RUNX1T1: variants seen among roughly 807,000 people sequenced by gnomAD.
The protein encoded by RUNX1T1 is RUNX1 partner transcriptional co-repressor 1.
In RUNX1T1, 4 loss-of-function variants were observed where a neutral mutation model predicts 62.8. The observed-to-expected ratio is 0.06, with a 90% CI of 0.03 to 0.15. The LOEUF (loss-of-function observed/expected upper bound fraction) is 0.15. Among genes scored for constraint, RUNX1T1 ranks in the 10% least tolerant of loss-of-function variants. RUNX1T1 has a pLI of 1.00. For synonymous variants in RUNX1T1, 291 were observed against 286.0 expected (o/e 1.02, Z -0.18); for missense variants, 508 against 754.3 (o/e 0.67, Z 3.82).
chr8:91,966,973 T>C (rs139039719), intron 10 of RUNX1T1, among the ~76,000 whole-genome samples: 1 of 152,244 alleles, frequency 6.6e-6, no homozygotes, highest in East Asian at 1.9e-4. Flanking sequence ...ATGTAGCTAC[T>C]AAGAAGGTGG....
chr8:92,035,239 G>A (rs1451995637), intron 1 of RUNX1T1, among the ~76,000 whole-genome samples: 1 of 150,318 alleles, frequency 6.7e-6, no homozygotes, highest in African/African-American at 2.5e-5. Flanking sequence ...AGGTTGCAGT[G>A]AGCCAATATC....
At position 92,075,994 on chromosome 8, in the gene RUNX1T1, C is replaced by T. The variant is rs144423229; in HGVS notation, c.59G>A (p.Arg20Gln). Residue 20 changes from arginine (R) to glutamine (Q), a missense_variant, in exon 2 of 12, where the codon CGG becomes CAG. Physicochemically the swap from Arg to Gln is conservative, Grantham distance 43. Coordinates refer to the RUNX1T1 transcript ENST00000265814. ...ACAATATTCAAAGTTCCCTTTTTTCCGGCAGTCACCTATTACTAAACTCAG... is the reference window on the plus strand; with the variant it reads ...ACAATATTCAAAGTTCCCTTTTTTCTGGCAGTCACCTATTACTAAACTCAG... The T allele has an allele frequency of 1.4e-4, 226 of 1,609,348 alleles. No individual in the cohort carries two copies. The Admixed American group carries it at 2.0e-3, about 15-fold the overall frequency.
chr8:92,044,424 A>G (rs1829021925), intron 1 of RUNX1T1, among the ~76,000 whole-genome samples: 1 of 152,176 alleles, frequency 6.6e-6, no homozygotes, highest in African/African-American at 2.4e-5. Flanking sequence ...AGGTGCATCT[A>G]TGGTAAAAAA....
At chr8:92,056,334 A>G (rs1472181146) in intron 1 of RUNX1T1, among the ~76,000 whole-genome samples, 1 of 152,180 alleles carries the variant, frequency 6.6e-6, no homozygotes, top group Non-Finnish European at 1.5e-5. Context: ...ACCCTCCTAC[A>G]TCCCTTCTTC....
chr8:92,086,233 C>T (rs553353056), intron 1 of RUNX1T1, among the ~76,000 whole-genome samples: 1 of 152,174 alleles, frequency 6.6e-6, no homozygotes, highest in Non-Finnish European at 1.5e-5. Context: ...GTCATCTCTA[C>T]CTTCTCTCCT....
At chr8:91,988,602 G>C (rs1035018710) in intron 6 of RUNX1T1, among the ~76,000 whole-genome samples, 7 of 152,120 alleles carry the variant, frequency 4.6e-5, no homozygotes, top group Non-Finnish European at 7.4e-5. Context: ...TTTCATGTTA[G>C]AGGCATCTGA....
At chr8:92,093,473 A>G (rs1451502759) in intron 1 of RUNX1T1, among the ~76,000 whole-genome samples, 1 of 152,224 alleles carries the variant, frequency 6.6e-6, no homozygotes, top group East Asian at 1.9e-4. Context: ...TGAAATACAC[A>G]TATTAATCTA....
chr8:92,064,863 C>A (rs1453671584), upstream of RUNX1T1, among the ~76,000 whole-genome samples: 2 of 152,170 alleles, frequency 1.3e-5, no homozygotes. Flanking sequence ...GATTATGTAT[C>A]TTTTCTATGT....
chr8:91,969,440 AAC>A (rs1812309287), intron 10 of RUNX1T1, among the ~76,000 whole-genome samples: 1 of 152,232 alleles, frequency 6.6e-6, no homozygotes, highest in Non-Finnish European at 1.5e-5. Context: ...TGCTCATTTG[AAC>A]AGAGAAGGAC....
chr8:92,080,133 G>A (rs1835021143), intron 1 of RUNX1T1, among the ~76,000 whole-genome samples: 1 of 152,026 alleles, frequency 6.6e-6, no homozygotes, highest in African/African-American at 2.4e-5. Flanking sequence ...TCTGGGGGGT[G>A]CTCATTACTC....
intron 8 of RUNX1T1, among the ~76,000 whole-genome samples, chr8:91,981,559 G>A (rs2130774769): frequency 6.6e-6 from 1 of 151,318 alleles, no homozygotes; most frequent in African/African-American, 2.4e-5. Flanking sequence ...GGACTACAGG[G>A]GTGCACCACC....
At chr8:92,003,350 A>AAAT (rs1820124696) in intron 5 of RUNX1T1, 1 of 456,260 alleles carries the variant, frequency 2.2e-6, no homozygotes, top group African/African-American at 2.0e-5. Context: ...TTCAAATATG[A>AAAT]AATACTGGGA....
chr8:91,989,628 A>G (rs1817249661), intron 6 of RUNX1T1, among the ~76,000 whole-genome samples: 1 of 152,238 alleles, frequency 6.6e-6, no homozygotes, highest in African/African-American at 2.4e-5. Context: ...GCTGCCTAAG[A>G]AACAGGCCAT....
exon 11 of RUNX1T1, chr8:91,958,955 CTTTT>C (rs35061826): frequency 2.0e-4 from 35 of 179,484 alleles, no homozygotes; most frequent in Non-Finnish European, 3.6e-4. Flanking sequence ...TCTTTTTTTC[CTTTT>C]TTTTTTTTTA....
intron 10 of RUNX1T1, among the ~76,000 whole-genome samples, chr8:91,961,265 T>C (rs571424761): frequency 1.3e-5 from 2 of 152,342 alleles, no homozygotes; most frequent in Admixed American, 1.3e-4. Context: ...ATGAATGAAT[T>C]AGACTACGCC....
intron 1 of RUNX1T1, among the ~76,000 whole-genome samples, chr8:92,039,450 C>T (rs538470200): frequency 6.6e-6 from 1 of 152,308 alleles, no homozygotes; most frequent in East Asian, 1.9e-4. Context: ...CTCCTCTCTT[C>T]ATCTTTTCTG....
intron 8 of RUNX1T1, chr8:91,977,321 G>A (rs1814184460): frequency 1.0e-5 from 2 of 193,830 alleles, no homozygotes; most frequent in Non-Finnish European, 2.1e-5. Context: ...AGTTTACACT[G>A]TGATGTCATG....
At chr8:92,057,545 A>G (rs1347504119) in intron 1 of RUNX1T1, among the ~76,000 whole-genome samples, 15 of 152,200 alleles carry the variant, frequency 9.9e-5, no homozygotes. Context: ...TGCTCTTAGT[A>G]TACTATCAGA....
chr8:91,955,423 T>C (rs933007200), downstream of RUNX1T1: 8 of 227,834 alleles, frequency 3.5e-5, no homozygotes, highest in African/African-American at 1.8e-4. Context: ...AAATTAAATA[T>C]CCAACCCTAA....
Sources: allele counts gnomAD v4.1 joint callset (sites outside exome capture counted in the v4.1 genomes callset), GRCh38; gene constraint gnomAD v4.1.1; transcripts MANE v1.5; gene names NCBI Gene and HGNC (gene_info 2026-07-23, HGNC 2026-07-21).